The following SLC39A11 variants were observed in gnomAD, a reference collection of about 807,000 sequenced individuals.
SLC39A11 encodes zinc transporter ZIP11.
A neutral mutation model predicts 36.1 loss-of-function variants in SLC39A11; 33 were observed. The observed-to-expected ratio is 0.91, with a 90% CI of 0.69 to 1.22. The LOEUF (loss-of-function observed/expected upper bound fraction) is 1.22. Among genes scored for constraint, SLC39A11 ranks in the 50% most tolerant of loss-of-function variants. The probability of loss-of-function intolerance (pLI) is 0.00; values close to 1 mark genes in which losing one functional copy is unlikely to be tolerated. For synonymous variants in SLC39A11, 166 were observed against 170.3 expected, an observed-to-expected ratio of 0.97 and a Z score of 0.20; for missense variants, 432 against 430.3, an observed-to-expected ratio of 1.00 and a Z score of -0.03.
chr17:72,908,542 T>A (rs1351015323), intron 5 of SLC39A11, among the ~76,000 whole-genome samples: 1 of 152,202 alleles, frequency 6.6e-6, no homozygotes, highest in African/African-American at 2.4e-5. Context: ...AGCCCCGGCT[T>A]GCCAGGCTGG....
chr17:73,018,140 T>C (rs952520229), intron 4 of SLC39A11, among the ~76,000 whole-genome samples: 1 of 152,192 alleles, frequency 6.6e-6, no homozygotes, highest in African/African-American at 2.4e-5. Flanking sequence ...CAGGATCAAG[T>C]TGAACCACCA....
At chr17:73,080,838 G>C (rs1004155836) in intron 3 of SLC39A11, among the ~76,000 whole-genome samples, 1 of 152,096 alleles carries the variant, frequency 6.6e-6, no homozygotes, top group Admixed American at 6.6e-5. Flanking sequence ...CCAGCTACTT[G>C]GGAGGCTGAG....
At chr17:73,068,614 G>T (rs2144453538) in intron 3 of SLC39A11, among the ~76,000 whole-genome samples, 1 of 152,212 alleles carries the variant, frequency 6.6e-6, no homozygotes, top group Middle Eastern at 3.4e-3. Context: ...CAGCCCCAGG[G>T]CAGTTGGCCC....
chr17:72,896,790 C>T (rs2082050729), intron 5 of SLC39A11, among the ~76,000 whole-genome samples: 1 of 151,966 alleles, frequency 6.6e-6, no homozygotes, highest in African/African-American at 2.4e-5. Flanking sequence ...GTGGCTCACA[C>T]CTGTAATCCC....
chr17:72,897,528 T>C (rs2082092809), intron 5 of SLC39A11, among the ~76,000 whole-genome samples: 1 of 152,172 alleles, frequency 6.6e-6, no homozygotes, highest in Non-Finnish European at 1.5e-5. Flanking sequence ...GTACCCCTAA[T>C]TCAGAAGAAA....
chr17:72,772,776 G>C (rs986391535), intron 6 of SLC39A11, among the ~76,000 whole-genome samples: 2 of 152,058 alleles, frequency 1.3e-5, no homozygotes, highest in Admixed American at 1.3e-4. Flanking sequence ...ATTAGAGAAG[G>C]GAGAGAGGAA....
intron 3 of SLC39A11, among the ~76,000 whole-genome samples, chr17:73,068,932 C>T (rs865896973): frequency 3.9e-5 from 6 of 152,144 alleles, no homozygotes; most frequent in South Asian, 4.1e-4. Context: ...CAGAAACTTC[C>T]CCATCAACCT....
At chr17:73,084,780 T>G (rs1278227238) in intron 3 of SLC39A11, 28 bp downstream of exon 3, 1 of 1,613,202 alleles carries the variant, frequency 6.2e-7, no homozygotes, top group Non-Finnish European at 8.5e-7. Flanking sequence ...TGCCTCAATT[T>G]CCATTTCTCC....
chr17:72,736,582 G>A (rs527789230), intron 7 of SLC39A11, 68 bp downstream of exon 7: 2 of 1,362,662 alleles, frequency 1.5e-6, no homozygotes, highest in East Asian at 2.3e-5. Flanking sequence ...GCCCACCCAG[G>A]TGACACGCAC....
chr17:72,900,139 AAAAAGAAAGAAAGAAAAG>A (rs1567912005), intron 5 of SLC39A11, among the ~76,000 whole-genome samples: 4 of 83,082 alleles, frequency 4.8e-5, no homozygotes, highest in African/African-American at 9.6e-5. Flanking sequence ...AGAAAGAAAG[AAAAAGAAAGAAAGAAAAG>A]AAAGAAAGAA....
intron 7 of SLC39A11, among the ~76,000 whole-genome samples, chr17:72,709,595 T>C (rs988946932): frequency 2.4e-4 from 37 of 152,244 alleles, no homozygotes; most frequent in African/African-American, 8.9e-4. Flanking sequence ...CAATGGCTGT[T>C]GGGCAAAGAA....
At chr17:72,874,713 G>A (rs1041000539) in intron 5 of SLC39A11, among the ~76,000 whole-genome samples, 3 of 152,186 alleles carry the variant, frequency 2.0e-5, no homozygotes, top group African/African-American at 7.2e-5. Flanking sequence ...ATGAGCAGAA[G>A]TATCCTTGAT....
At chr17:73,069,888 C>G (rs2060108995) in intron 3 of SLC39A11, among the ~76,000 whole-genome samples, 1 of 152,138 alleles carries the variant, frequency 6.6e-6, no homozygotes, top group Non-Finnish European at 1.5e-5. Flanking sequence ...AACAAGCTAG[C>G]TAAACACTCA....
intron 6 of SLC39A11, among the ~76,000 whole-genome samples, chr17:72,830,229 G>A (rs2145698027): frequency 6.6e-6 from 1 of 152,262 alleles, no homozygotes; most frequent in South Asian, 2.1e-4. Context: ...ACCATTCCTG[G>A]ATATCGCCCC....
At chr17:72,790,539 T>C (rs539486261) in intron 6 of SLC39A11, among the ~76,000 whole-genome samples, 4 of 140,646 alleles carry the variant, frequency 2.8e-5, no homozygotes, top group South Asian at 2.1e-4. Context: ...CTCTCTCTCT[T>C]TTTTTTTTTT....
intron 6 of SLC39A11, among the ~76,000 whole-genome samples, chr17:72,809,428 A>G (rs1011993268): frequency 4.0e-5 from 6 of 151,708 alleles, no homozygotes; most frequent in Non-Finnish European, 8.8e-5. Flanking sequence ...TCCCATCTCT[A>G]CTCCAAGTTT....
chr17:72,771,997 A>G (rs780877637), intron 6 of SLC39A11, among the ~76,000 whole-genome samples: 2 of 152,082 alleles, frequency 1.3e-5, no homozygotes, highest in African/African-American at 2.4e-5. Flanking sequence ...TTCCAACTCA[A>G]CCTGTCACTT....
At chr17:72,902,165 G>A (rs972955385) in intron 5 of SLC39A11, among the ~76,000 whole-genome samples, 12 of 152,068 alleles carry the variant, frequency 7.9e-5, no homozygotes, top group South Asian at 2.1e-4. Flanking sequence ...CAGCTACTCC[G>A]GAGGCTGAGG....
chr17:72,977,146 G>C (rs1017101838), intron 4 of SLC39A11, among the ~76,000 whole-genome samples: 3 of 152,198 alleles, frequency 2.0e-5, no homozygotes, highest in Non-Finnish European at 4.4e-5. Context: ...AAGTCAGAGA[G>C]ATTCGAAAGT....
Sources: gnomAD v4.1 joint callset for allele counts (sites outside exome capture counted in the v4.1 genomes callset) on GRCh38, gnomAD v4.1.1 for gene constraint, MANE v1.5 for transcripts, NCBI Gene and HGNC (gene_info 2026-07-23, HGNC 2026-07-21) for gene names.